ZFR: variants seen among roughly 807,000 people sequenced by gnomAD.
ZFR encodes the protein zinc finger RNA binding protein.
A neutral mutation model predicts 130.7 loss-of-function variants in ZFR; 19 were observed. The observed-to-expected ratio is 0.15, with a 90% CI of 0.10 to 0.21. The LOEUF (loss-of-function observed/expected upper bound fraction) is 0.21. Among genes scored for constraint, ZFR ranks in the 10% least tolerant of loss-of-function variants. ZFR has a pLI of 1.00. For missense variants in ZFR, 872 were observed against 1,321.5 expected (o/e 0.66, Z 5.27); for synonymous variants, 466 against 456.9 (o/e 1.02, Z -0.25).
chr5:32,413,074 G>A lies in ZFR; in HGVS notation c.784+1895C>T, dbSNP rs1291878633. ...CGTGGTGGCGCACGCTTGTAGTCCC[G>A]GCTACTTGGGAGGCTGAGGCAGGAG... On this transcript the variant is annotated intron_variant, in intron 5 of 19. Coordinates refer to ENST00000265069, the MANE Select transcript of ZFR (RefSeq NM_016107.5). Among the ~76,000 whole-genome samples, 6 of 151,894 alleles carry A rather than the reference G, an allele frequency of 4.0e-5. No individual in the cohort carries two copies. The East Asian group carries it at 7.7e-4, about 20-fold the overall frequency.
At chr5:32,434,090 G>T (rs1443180463) in intron 2 of ZFR, among the ~76,000 whole-genome samples, 1 of 152,204 alleles carries the variant, frequency 6.6e-6, no homozygotes, top group Non-Finnish European at 1.5e-5. Context: ...ACAAAAAGGT[G>T]AAAGAATTCT....
chr5:32,368,566 C>T (rs1027933325), intron 17 of ZFR, among the ~76,000 whole-genome samples: 1 of 152,116 alleles, frequency 6.6e-6, no homozygotes, highest in Non-Finnish European at 1.5e-5. Flanking sequence ...CATTAATTAG[C>T]CCAGCAATGG....
At chr5:32,381,402 G>A (rs1752934487) in intron 15 of ZFR, among the ~76,000 whole-genome samples, 1 of 151,968 alleles carries the variant, frequency 6.6e-6, no homozygotes, top group Non-Finnish European at 1.5e-5. Context: ...AGCTCTCAGT[G>A]ATTTAAATAG....
In ZFR at chr5:32,388,686, CA is replaced by C. The variant is rs774182289; in HGVS notation, c.2143-13del. 1.3e-6 allele frequency: 2 copies of C among 1,566,610 alleles called. No homozygotes were observed. Among genetic ancestry groups the C allele is most frequent in the South Asian group, 2.4e-5 (2 of 82,866 alleles). On this transcript the variant is annotated splice_polypyrimidine_tract_variant and intron_variant, in intron 12 of 19. Coordinates refer to ENST00000265069, the MANE Select transcript of ZFR (RefSeq NM_016107.5). ...GGACGACGTAAGGGCTACAGAGAAA[CA>C]AAGTTGCTCAATTTAAAAAAAAGTT...
intron 17 of ZFR, among the ~76,000 whole-genome samples, chr5:32,370,492 C>T (rs892138372): frequency 6.6e-6 from 1 of 151,996 alleles, no homozygotes; most frequent in Admixed American, 6.6e-5. Context: ...CTGACCTCAG[C>T]CTCCTGAGTA....
intron 7 of ZFR, 139 bp downstream of exon 7, chr5:32,403,767 T>C (rs941576299): frequency 2.1e-5 from 15 of 704,694 alleles, no homozygotes; most frequent in Non-Finnish European, 3.1e-5. Flanking sequence ...GTCACCTTTA[T>C]GTATTATTAG....
chr5:32,436,544 TC>T (rs2111867087), intron 2 of ZFR, among the ~76,000 whole-genome samples: 2 of 152,336 alleles, frequency 1.3e-5, no homozygotes, highest in South Asian at 4.1e-4. Context: ...TCTAGTTTCA[TC>T]CATATTCACC....
intron 5 of ZFR, among the ~76,000 whole-genome samples, chr5:32,408,561 C>A (rs1161559381): frequency 6.6e-6 from 1 of 152,088 alleles, no homozygotes; most frequent in Non-Finnish European, 1.5e-5. Flanking sequence ...GGTAACTGGA[C>A]AATTTTATGG....
chr5:32,404,182 C>G, intron 6 of ZFR, 85 bp from the exon 7 acceptor site: 1 of 1,274,040 alleles, frequency 7.8e-7, no homozygotes, highest in Non-Finnish European at 1.1e-6. Flanking sequence ...ATCTCTAATA[C>G]TCATCTAAAA....
At chr5:32,419,001 T>C (rs188080735) in intron 3 of ZFR, among the ~76,000 whole-genome samples, 185 of 152,304 alleles carry the variant, frequency 1.2e-3, no homozygotes, top group African/African-American at 4.2e-3. Context: ...ATAATATGTA[T>C]TAAAAAAGAA....
chr5:32,407,152 C>G, intron 5 of ZFR, 131 bp from the exon 6 acceptor site: 1 of 805,280 alleles, frequency 1.2e-6, no homozygotes, highest in African/African-American at 1.7e-5. Context: ...AAACGTATAT[C>G]TCACAGAACC....
chr5:32,391,464 C>G (rs1428770490), intron 11 of ZFR, among the ~76,000 whole-genome samples: 3 of 151,670 alleles, frequency 2.0e-5, no homozygotes, highest in African/African-American at 7.3e-5. Context: ...GAGCTGAACT[C>G]AGAATGTGGG....
intron 16 of ZFR, chr5:32,379,832 A>C: frequency 2.8e-6 from 1 of 354,016 alleles, no homozygotes; most frequent in South Asian, 6.9e-5. Flanking sequence ...GCCACTAAAA[A>C]TAAAAAATAA....
intron 2 of ZFR, 71 bp downstream of exon 2, chr5:32,444,158 G>C: frequency 6.6e-7 from 1 of 1,513,192 alleles, no homozygotes; most frequent in African/African-American, 1.4e-5. Context: ...GGGCGCGGGG[G>C]CGTCGCATCG....
At chr5:32,402,724 G>A (rs888868380) in intron 8 of ZFR, among the ~76,000 whole-genome samples, 16 of 151,168 alleles carry the variant, frequency 1.1e-4, no homozygotes, top group African/African-American at 3.9e-4. Context: ...GCTGCAGTGA[G>A]CCAAGATCGT....
chr5:32,359,050 G>A (rs1752373679), intron 19 of ZFR, among the ~76,000 whole-genome samples: 1 of 152,124 alleles, frequency 6.6e-6, no homozygotes, highest in African/African-American at 2.4e-5. Context: ...AGCTGGGCAT[G>A]GTGTCGCACA....
At chr5:32,383,904 CTT>C in intron 15 of ZFR, 1 of 423,114 alleles carries the variant, frequency 2.4e-6, no homozygotes, top group Admixed American at 2.5e-5. Context: ...GAAGCAAAAT[CTT>C]TCCATTTTGG....
At chr5:32,396,129 G>A (rs1388254676) in intron 10 of ZFR, among the ~76,000 whole-genome samples, 1 of 151,696 alleles carries the variant, frequency 6.6e-6, no homozygotes, top group East Asian at 1.9e-4. Context: ...TGCGGTGGGA[G>A]GATCACTGGA....
intron 19 of ZFR, among the ~76,000 whole-genome samples, chr5:32,362,524 T>C (rs1277006452): frequency 4.6e-5 from 7 of 152,228 alleles, no homozygotes; most frequent in Admixed American, 4.6e-4. Flanking sequence ...TGTGTGCATG[T>C]GTGTATAGCT....
Sources: allele counts gnomAD v4.1 joint callset (sites outside exome capture counted in the v4.1 genomes callset), GRCh38; gene constraint gnomAD v4.1.1; transcripts MANE v1.5; gene names NCBI Gene and HGNC (gene_info 2026-07-23, HGNC 2026-07-21).